EML4: variants seen among roughly 807,000 people sequenced by gnomAD.
The protein encoded by EML4 is echinoderm microtubule-associated protein-like 4.
In EML4, 72 loss-of-function variants were observed where a neutral mutation model predicts 129.0. That is an observed-to-expected ratio of 0.56 (90% CI 0.46 to 0.68). The LOEUF (loss-of-function observed/expected upper bound fraction) is 0.68, where lower values mean the gene tolerates loss of function less well. Ranked by LOEUF, EML4 falls within the 30% of genes least tolerant of loss-of-function variation. EML4 has a pLI of 0.00. For synonymous variants in EML4, 532 were observed against 405.0 expected (o/e 1.31, Z -3.77); for missense variants, 1,363 against 1,190.6 (o/e 1.14, Z -2.13).
intron 11 of EML4, among the ~76,000 whole-genome samples, chr2:42,291,397 C>G (rs1413822542): frequency 5.4e-5 from 7 of 129,290 alleles, no homozygotes; most frequent in Non-Finnish European, 9.8e-5. Context: ...TATCAAGACA[C>G]CTTTTTTTTT....
At chr2:42,204,849 G>A (rs1387939264) in intron 1 of EML4, among the ~76,000 whole-genome samples, 2 of 152,170 alleles carry the variant, frequency 1.3e-5, no homozygotes, top group Non-Finnish European at 2.9e-5. Flanking sequence ...ACCTAGTTAG[G>A]TAGGTAGAGT....
intron 1 of EML4, among the ~76,000 whole-genome samples, chr2:42,188,554 CT>C (rs35681448): frequency 1.3e-5 from 2 of 150,968 alleles, no homozygotes; most frequent in Non-Finnish European, 1.5e-5. Context: ...TTTAAAATTA[CT>C]TTTTTTTTGA....
At chr2:42,192,572 C>A (rs1671662621) in intron 1 of EML4, among the ~76,000 whole-genome samples, 1 of 152,200 alleles carries the variant, frequency 6.6e-6, no homozygotes, top group African/African-American at 2.4e-5. Context: ...CATATTCTGA[C>A]CACTCCAGTC....
chr2:42,282,137 T>C (rs1363116719), intron 7 of EML4, among the ~76,000 whole-genome samples: 1 of 151,828 alleles, frequency 6.6e-6, no homozygotes, highest in Non-Finnish European at 1.5e-5. Context: ...CTCCTAGCAG[T>C]CTTTTTTTTA....
intron 1 of EML4, among the ~76,000 whole-genome samples, chr2:42,190,501 A>G (rs2103896741): frequency 6.6e-6 from 1 of 152,314 alleles, no homozygotes; most frequent in Non-Finnish European, 1.5e-5. Flanking sequence ...TGGTAGTACT[A>G]TTTAGTGATG....
intron 3 of EML4, among the ~76,000 whole-genome samples, chr2:42,257,781 G>C (rs1180353651): frequency 2.0e-5 from 3 of 150,774 alleles, no homozygotes; most frequent in Non-Finnish European, 4.4e-5. Flanking sequence ...AGCTTGCAGT[G>C]AGCCACGATT....
intron 1 of EML4, among the ~76,000 whole-genome samples, chr2:42,214,416 A>G (rs780368350): frequency 6.6e-6 from 1 of 151,432 alleles, no homozygotes; most frequent in Non-Finnish European, 1.5e-5. Flanking sequence ...TTCCTCACCT[A>G]CTTATCCTAG....
At chr2:42,304,448 C>G (rs1386990651) in intron 16 of EML4, 36 bp from the exon 17 acceptor site, 1 of 1,566,802 alleles carries the variant, frequency 6.4e-7, no homozygotes, top group Non-Finnish European at 8.8e-7. Flanking sequence ...GAGACTTTCT[C>G]ATGTACTCCC....
chr2:42,235,189 G>A (rs1443995810), intron 1 of EML4, among the ~76,000 whole-genome samples: 2 of 151,952 alleles, frequency 1.3e-5, no homozygotes, highest in African/African-American at 2.4e-5. Flanking sequence ...CCAGCTACCC[G>A]GGAGGCTAAT....
intron 10 of EML4, 114 bp downstream of exon 10, chr2:42,286,493 G>T: frequency 1.5e-6 from 1 of 684,642 alleles, no homozygotes; most frequent in South Asian, 1.7e-5. Flanking sequence ...TGAAAAATGA[G>T]ATGCTAGCTA....
At chr2:42,265,991 G>C (rs1277221620) in intron 6 of EML4, among the ~76,000 whole-genome samples, 1 of 152,152 alleles carries the variant, frequency 6.6e-6, no homozygotes, top group Non-Finnish European at 1.5e-5. Context: ...ATGAAAGCAC[G>C]TCCTTTCTGT....
intron 1 of EML4, among the ~76,000 whole-genome samples, chr2:42,245,094 C>CTTTTTTTTTTTTTTTTTGTTTTTTTTTTT (rs1675304471): frequency 1.5e-5 from 1 of 66,562 alleles, no homozygotes; most frequent in Admixed American, 2.3e-4. Context: ...AATTTTCTTT[C>CTTTTTTTTTTTTTTTTTGTTTTTTTTTTT]TTTTTTTTTT....
chr2:42,316,729 T>C (rs1282406146), intron 18 of EML4, among the ~76,000 whole-genome samples: 2 of 152,338 alleles, frequency 1.3e-5, no homozygotes, highest in East Asian at 3.9e-4. Context: ...AGTTGTTGCA[T>C]TAGCACAGGA....
intron 3 of EML4, among the ~76,000 whole-genome samples, chr2:42,259,878 C>T (rs1665612539): frequency 6.6e-6 from 1 of 151,140 alleles, no homozygotes; most frequent in Non-Finnish European, 1.5e-5. Flanking sequence ...TACAGGCGCC[C>T]ACCACCACAC....
At chr2:42,177,695 C>G (rs374641285) in intron 1 of EML4, among the ~76,000 whole-genome samples, 88 of 152,232 alleles carry the variant, frequency 5.8e-4, no homozygotes, top group African/African-American at 2.0e-3. Context: ...GTGAAATGTT[C>G]TAGACTTTAT....
chr2:42,327,102 G>A (rs1669851230), intron 21 of EML4, among the ~76,000 whole-genome samples: 1 of 152,052 alleles, frequency 6.6e-6, no homozygotes, highest in Non-Finnish European at 1.5e-5. Flanking sequence ...TACAATATTT[G>A]ATCCACTGAG....
chr2:42,205,511 C>G (rs1477845640), intron 1 of EML4, among the ~76,000 whole-genome samples: 2 of 149,940 alleles, frequency 1.3e-5, no homozygotes, highest in Admixed American at 6.7e-5. Context: ...GCTTCCCTGG[C>G]TTACCTAACT....
At chr2:42,264,931 C>G (rs765863841) in intron 6 of EML4, 200 bp downstream of exon 6, 15 of 1,550,132 alleles carry the variant, frequency 9.7e-6, no homozygotes, top group Non-Finnish European at 1.3e-5. Flanking sequence ...AAAATGTCAA[C>G]TCGCGAAAAA....
chr2:42,225,112 A>G (rs1673870832), intron 1 of EML4, among the ~76,000 whole-genome samples: 1 of 152,158 alleles, frequency 6.6e-6, no homozygotes, highest in Non-Finnish European at 1.5e-5. Flanking sequence ...GCTGAATAAT[A>G]TTCCATTTTA....
Sources: gnomAD v4.1 joint callset for allele counts (sites outside exome capture counted in the v4.1 genomes callset) on GRCh38, gnomAD v4.1.1 for gene constraint, MANE v1.5 for transcripts, NCBI Gene and HGNC (gene_info 2026-07-23, HGNC 2026-07-21) for gene names.